The following GALNT13 variants were observed in gnomAD, a reference collection of about 807,000 sequenced individuals.
GALNT13 encodes the protein UDP-GalNAc:polypeptide N-acetylgalactosaminyltransferase 13.
GALNT13 carries 28 observed loss-of-function variants against 64.2 expected under a neutral mutation model. The observed-to-expected ratio is 0.44, with a 90% CI of 0.32 to 0.60. The LOEUF is 0.60. Among genes scored for constraint, GALNT13 ranks in the 20% least tolerant of loss-of-function variants. The probability of loss-of-function intolerance (pLI) is 0.05; values close to 1 mark genes in which losing one functional copy is unlikely to be tolerated. For synonymous variants in GALNT13, 214 were observed against 224.6 expected, an observed-to-expected ratio of 0.95 and a Z score of 0.42; for missense variants, 577 against 669.8, an observed-to-expected ratio of 0.86 and a Z score of 1.53.
the GALNT13 span, among the ~76,000 whole-genome samples, chr2:153,511,803 T>A: frequency 5.3e-5 from 8 of 152,178 alleles, no homozygotes; most frequent in Admixed American, 2.0e-4. Flanking sequence ...ATAAACCATG[T>A]AATCCCACAT....
chr2:153,667,308 CAACCATCCCT>C, the GALNT13 span, among the ~76,000 whole-genome samples: 1 of 152,090 alleles, frequency 6.6e-6, no homozygotes, highest in African/African-American at 2.4e-5. Context: ...CTATATAAGA[CAACCATCCCT>C]AAGACACATA....
At chr2:153,769,353 G>A in the GALNT13 span, among the ~76,000 whole-genome samples, 1 of 152,112 alleles carries the variant, frequency 6.6e-6, no homozygotes, top group Non-Finnish European at 1.5e-5. Context: ...TAGTGTGGCA[G>A]GATACAAAGC....
chr2:153,345,713 CTTT>C, the GALNT13 span, among the ~76,000 whole-genome samples: 29 of 121,482 alleles, frequency 2.4e-4, no homozygotes, highest in East Asian at 2.3e-3. Context: ...CTCTTTCTCT[CTTT>C]CTGTCCTTCC....
chr2:153,128,375 G>GT, the GALNT13 span, among the ~76,000 whole-genome samples: 2 of 151,962 alleles, frequency 1.3e-5, no homozygotes, highest in Non-Finnish European at 2.9e-5. Flanking sequence ...GTAAACTCTG[G>GT]TTTTTTAAAA....
the GALNT13 span, among the ~76,000 whole-genome samples, chr2:153,757,335 C>T: frequency 6.6e-6 from 1 of 152,220 alleles, no homozygotes; most frequent in Admixed American, 6.5e-5. Context: ...TATGTTGTTG[C>T]AAATGATATA....
At chr2:154,251,914 A>AG in intron 7 of GALNT13, among the ~76,000 whole-genome samples, 1 of 152,186 alleles carries the variant, frequency 6.6e-6, no homozygotes, top group Admixed American at 6.5e-5. Flanking sequence ...TAATAAAGCC[A>AG]TTAGATTTTA....
chr2:154,171,960 T>G (rs1685371591), intron 4 of GALNT13, among the ~76,000 whole-genome samples: 1 of 132,230 alleles, frequency 7.6e-6, no homozygotes, highest in Non-Finnish European at 1.6e-5. Context: ...AAATTAAATC[T>G]TTCTTTCTCA....
chr2:153,527,893 C>A, the GALNT13 span, among the ~76,000 whole-genome samples: 1 of 151,910 alleles, frequency 6.6e-6, no homozygotes, highest in Non-Finnish European at 1.5e-5. Context: ...ATTTGCAAGC[C>A]TCTTTGTAAC....
At chr2:153,839,758 C>A in the GALNT13 span, among the ~76,000 whole-genome samples, 1 of 151,578 alleles carries the variant, frequency 6.6e-6, no homozygotes, top group Non-Finnish European at 1.5e-5. Context: ...CAATTAGAGA[C>A]AGGAAAATCT....
intron 8 of GALNT13, among the ~76,000 whole-genome samples, chr2:154,278,923 A>T (rs921659874): frequency 1.3e-5 from 2 of 152,198 alleles, no homozygotes; most frequent in African/African-American, 4.8e-5. Flanking sequence ...TCATTTTATC[A>T]TAAATTTAAA....
At chr2:154,201,568 G>T (rs547396833) in intron 4 of GALNT13, among the ~76,000 whole-genome samples, 4 of 152,100 alleles carry the variant, frequency 2.6e-5, no homozygotes, top group Non-Finnish European at 5.9e-5. Context: ...AACAGGTTTA[G>T]ACAATTTTGC....
chr2:153,412,772 A>G, the GALNT13 span, among the ~76,000 whole-genome samples: 7 of 151,524 alleles, frequency 4.6e-5, no homozygotes, highest in African/African-American at 1.7e-4. Context: ...CTAGGGAGAG[A>G]CTCTTCTTTG....
chr2:153,803,565 G>A, the GALNT13 span, among the ~76,000 whole-genome samples: 57 of 151,914 alleles, frequency 3.8e-4, no homozygotes, highest in African/African-American at 1.2e-3. Flanking sequence ...TGTGGCGGGC[G>A]CCTGTAGTCC....
At chr2:154,352,206 C>T (rs1051513051) in intron 9 of GALNT13, among the ~76,000 whole-genome samples, 1 of 152,170 alleles carries the variant, frequency 6.6e-6, no homozygotes, top group South Asian at 2.1e-4. Flanking sequence ...GCCTCAATCC[C>T]ATTTCTTTAC....
At chr2:153,642,227 TATTA>T in the GALNT13 span, among the ~76,000 whole-genome samples, 1 of 151,986 alleles carries the variant, frequency 6.6e-6, no homozygotes, top group African/African-American at 2.4e-5. Flanking sequence ...TTTTGATTTT[TATTA>T]ATTCTTAATA....
At chr2:154,348,207 C>T (rs1356171077) in intron 9 of GALNT13, among the ~76,000 whole-genome samples, 1 of 152,080 alleles carries the variant, frequency 6.6e-6, no homozygotes, top group Non-Finnish European at 1.5e-5. Context: ...ACTCCTGGCG[C>T]TTAACCACTG....
the GALNT13 span, among the ~76,000 whole-genome samples, chr2:153,443,980 T>G: frequency 2.6e-5 from 4 of 152,176 alleles, no homozygotes; most frequent in African/African-American, 9.6e-5. Flanking sequence ...ATGTTAGATT[T>G]CTTGTGCTCT....
intron 4 of GALNT13, among the ~76,000 whole-genome samples, chr2:154,166,320 G>C (rs969459055): frequency 6.6e-6 from 1 of 152,148 alleles, no homozygotes; most frequent in African/African-American, 2.4e-5. Context: ...CAGAAGAATG[G>C]TTTGAACCCA....
At chr2:153,294,903 A>C in the GALNT13 span, among the ~76,000 whole-genome samples, 1 of 152,298 alleles carries the variant, frequency 6.6e-6, no homozygotes, top group South Asian at 2.1e-4. Flanking sequence ...AGGCCTCTAA[A>C]CCAAAGCTTT....
Sources: gnomAD v4.1 joint callset for allele counts (sites outside exome capture counted in the v4.1 genomes callset) on GRCh38, gnomAD v4.1.1 for gene constraint, MANE v1.5 for transcripts, NCBI Gene and HGNC (gene_info 2026-07-23, HGNC 2026-07-21) for gene names.